Variants in PICALM observed in about 807,000 individuals in gnomAD.
PICALM encodes phosphatidylinositol binding clathrin assembly protein, also known as phosphatidylinositol-binding clathrin assembly protein.
In PICALM, 40 loss-of-function variants were observed where a neutral mutation model predicts 80.5. That is an observed-to-expected ratio of 0.50 (90% CI 0.39 to 0.65). PICALM has a LOEUF of 0.65. Ranked by LOEUF, PICALM falls within the 30% of genes least tolerant of loss-of-function variation. The pLI, the probability that PICALM is intolerant of heterozygous loss-of-function variation, is 0.00. For missense variants in PICALM, 676 were observed against 778.9 expected (o/e 0.87, Z 1.57); for synonymous variants, 288 against 260.3 (o/e 1.11, Z -1.02).
At chr11:85,980,251 G>A (rs2094401876) in intron 17 of PICALM, among the ~76,000 whole-genome samples, 1 of 152,198 alleles carries the variant, frequency 6.6e-6, no homozygotes, top group Non-Finnish European at 1.5e-5. Context: ...TAGAGAAGGA[G>A]GATGGGGAGT....
chr11:85,985,929 C>G (rs577362845), intron 13 of PICALM, among the ~76,000 whole-genome samples: 9 of 152,112 alleles, frequency 5.9e-5, no homozygotes, highest in African/African-American at 2.2e-4. Context: ...AAGAGATAAG[C>G]CTATCCTTTA....
chr11:85,990,135 T>C (rs1439001123), intron 13 of PICALM, 115 bp downstream of exon 13: 14 of 529,722 alleles, frequency 2.6e-5, no homozygotes, highest in Non-Finnish European at 4.0e-5. Flanking sequence ...TTTTAGAATT[T>C]GATATTAAAA....
Position 86,022,126 on chromosome 11 carries a change from A to G in PICALM, c.452+241T>C, listed in dbSNP as rs560659203. On this transcript the variant is annotated intron_variant, in intron 4 of 19. Transcript: ENST00000393346. Reference sequence around the variant, plus strand: ...CAACTTTGTAAATACACTAAAAACCAATGAATTACACACTTTAAAATGATA... The same window carrying G: ...CAACTTTGTAAATACACTAAAAACCGATGAATTACACACTTTAAAATGATA... Among the ~76,000 whole-genome samples, 3 of 152,328 alleles carry G rather than the reference A, an allele frequency of 2.0e-5. No individual in the cohort carries two copies. The East Asian group carries it at 5.8e-4, about 29-fold the overall frequency.
intron 19 of PICALM, among the ~76,000 whole-genome samples, chr11:85,968,948 AC>A (rs1555011539): frequency 1.1e-3 from 1 of 946 alleles, no homozygotes; most frequent in African/African-American, 2.1e-3. Flanking sequence ...AAATGACTCA[AC>A]ACACACACAC....
intron 19 of PICALM, among the ~76,000 whole-genome samples, chr11:85,973,228 A>T (rs1440373475): frequency 1.3e-5 from 2 of 152,178 alleles, no homozygotes; most frequent in African/African-American, 4.8e-5. Context: ...TTCACTACCC[A>T]CTCTCAGCCA....
At chr11:85,967,679 C>T (rs1417130134) in intron 19 of PICALM, among the ~76,000 whole-genome samples, 1 of 152,098 alleles carries the variant, frequency 6.6e-6, no homozygotes. Context: ...GGAGGTACTG[C>T]CAATACTCAC....
chr11:86,064,561 T>C (rs545128036), intron 1 of PICALM, among the ~76,000 whole-genome samples: 17 of 151,382 alleles, frequency 1.1e-4, no homozygotes, highest in Admixed American at 5.3e-4. Context: ...CTCAGAAAGA[T>C]TGTCTGAACC....
intron 11 of PICALM, among the ~76,000 whole-genome samples, chr11:85,997,514 A>G (rs1039411883): frequency 3.3e-5 from 5 of 152,232 alleles, no homozygotes; most frequent in Admixed American, 2.6e-4. Flanking sequence ...TCTGTCGCCC[A>G]GGATGGAGTG....
intron 1 of PICALM, among the ~76,000 whole-genome samples, chr11:86,050,132 G>A (rs1033254857): frequency 2.7e-5 from 4 of 150,376 alleles, no homozygotes; most frequent in African/African-American, 9.8e-5. Flanking sequence ...TTGAACCCAG[G>A]AGGCGGAGGT....
chr11:85,996,937 G>A lies in PICALM; in HGVS notation c.1155-8C>T, dbSNP rs549088547. The stretch of plus-strand genomic sequence containing the variant: ...TTGGGCAGCTTTGATGTGCTAGAAA[G>A]ATATTTTGGAAACGTGTTTTATTTA... On this transcript the variant is annotated splice_region_variant and splice_polypyrimidine_tract_variant and intron_variant, in intron 11 of 19. Transcript: ENST00000393346. 7.0e-4 allele frequency: 1,122 copies of A among 1,593,664 alleles called. 17 individuals are homozygous for A. In the Admixed American group the frequency reaches 0.019, roughly 26 times the overall value.
intron 19 of PICALM, among the ~76,000 whole-genome samples, chr11:85,966,955 A>C (rs1008966831): frequency 1.3e-5 from 2 of 152,206 alleles, no homozygotes; most frequent in African/African-American, 4.8e-5. Context: ...GATAGAAAAC[A>C]AATTTCTGTT....
intron 11 of PICALM, among the ~76,000 whole-genome samples, chr11:85,998,884 G>A (rs1263693570): frequency 6.6e-6 from 1 of 152,018 alleles, no homozygotes; most frequent in African/African-American, 2.4e-5. Flanking sequence ...TCAACCTCCT[G>A]AGTAGCTGGG....
Position 86,007,597 on chromosome 11 carries a change from A to G in PICALM, c.766-14T>C. On this transcript the variant is annotated splice_polypyrimidine_tract_variant and intron_variant, in intron 7 of 19. Coordinates refer to ENST00000393346, the MANE Select transcript of PICALM (RefSeq NM_007166.4). ...AATTCCAACTTGCTGTAAGAAAAGC[A>G]TTGTATTTAATAAATTATAATAAAA... 2 of 1,312,500 alleles carry G rather than the reference A, an allele frequency of 1.5e-6. No individual in the cohort carries two copies. The highest frequency in any genetic ancestry group is 2.1e-6 in the Non-Finnish European group (2 of 947,366). The allele number at this position is 1,312,500 out of a possible 1,614,324, so 81.3% of individuals were successfully genotyped here.
chr11:85,960,570 C>T lies in PICALM; in HGVS notation c.1945-1510G>A, dbSNP rs565033965. 66 of 465,232 alleles carry T rather than the reference C, an allele frequency of 1.4e-4. 1 individual carries two copies. The highest frequency in any genetic ancestry group is 1.2e-3 in the African/African-American group (57 of 49,094). The allele number at this position is 465,232 out of a possible 1,614,324, so 28.8% of individuals were successfully genotyped here. A position where few individuals can be genotyped will look rare whatever the true frequency, so the allele number is the denominator to read the frequency against. ...GGAAGAGGAGGAGGAGGAGAGGGAG[C>T]CTAGAGTCCTTTAAAGAAATGAAAG... On this transcript the variant is annotated intron_variant, in intron 19 of 19. Transcript: ENST00000393346.
Position 85,986,227 on chromosome 11 carries a change from C to T in PICALM, c.1409-2254G>A, listed in dbSNP as rs188810865. ...TATCAGGGAGGCAAGCAGTTTATTT[C>T]CAAATTTCCAAAGTAAAAATCTTTT... On this transcript the variant is annotated intron_variant, in intron 13 of 19. Transcript: ENST00000393346. Among the ~76,000 whole-genome samples, 40 of 151,606 alleles carry T rather than the reference C, an allele frequency of 2.6e-4. 1 individual carries two copies. Among genetic ancestry groups the T allele is most frequent in the African/African-American group, 9.0e-4 (37 of 41,120 alleles).
intron 4 of PICALM, among the ~76,000 whole-genome samples, chr11:86,015,292 G>A (rs929067375): frequency 5.9e-5 from 9 of 152,158 alleles, no homozygotes; most frequent in Non-Finnish European, 1.3e-4. Context: ...ACAATCATTG[G>A]TGTGTAAAGA....
intron 1 of PICALM, among the ~76,000 whole-genome samples, chr11:86,064,601 T>C (rs918648557): frequency 6.0e-5 from 9 of 150,026 alleles, no homozygotes; most frequent in South Asian, 2.1e-4. Context: ...TGAGATGTGA[T>C]TCCACCACTG....
At chr11:86,068,055 G>C (rs991399776) in intron 1 of PICALM, among the ~76,000 whole-genome samples, 3 of 152,206 alleles carry the variant, frequency 2.0e-5, no homozygotes, top group African/African-American at 7.2e-5. Context: ...AGCTACTATA[G>C]AGGCGATGAA....
intron 14 of PICALM, among the ~76,000 whole-genome samples, chr11:85,983,333 G>A (rs1218909558): frequency 6.6e-6 from 1 of 152,102 alleles, no homozygotes; most frequent in Non-Finnish European, 1.5e-5. Flanking sequence ...GATCTATAAA[G>A]TTCCTTTAAG....
Sources: allele counts gnomAD v4.1 joint callset (sites outside exome capture counted in the v4.1 genomes callset), GRCh38; gene constraint gnomAD v4.1.1; transcripts MANE v1.5; gene names NCBI Gene and HGNC (gene_info 2026-07-23, HGNC 2026-07-21).